Variants in TBCK observed in about 807,000 individuals in gnomAD.
TBCK encodes TBC domain-containing protein kinase-like protein.
Under a neutral mutation model 113.4 loss-of-function variants are expected in TBCK, and 99 were observed. The ratio of observed to expected loss-of-function variants is 0.87; its 90% CI spans 0.74 to 1.03. TBCK has a LOEUF of 1.03. Among genes scored for constraint, TBCK ranks in the 50% least tolerant of loss-of-function variants. TBCK has a pLI of 0.00. For synonymous variants in TBCK, 369 were observed against 370.8 expected, an observed-to-expected ratio of 1.00 and a Z score of 0.05; for missense variants, 1,045 against 1,061.3, an observed-to-expected ratio of 0.98 and a Z score of 0.21.
At chr4:106,228,169 T>C (rs140130023) in intron 19 of TBCK, among the ~76,000 whole-genome samples, 1 of 152,142 alleles carries the variant, frequency 6.6e-6, no homozygotes, top group Non-Finnish European at 1.5e-5. Flanking sequence ...AGACATGCAA[T>C]GCATAATCTC....
Position 106,236,475 on chromosome 4 carries a change from G to A in TBCK, c.1265C>T (p.Ala422Val), listed in dbSNP as rs147556914. 4 of 1,578,432 alleles carry A rather than the reference G, an allele frequency of 2.5e-6. No homozygotes were observed. The highest frequency in any genetic ancestry group is 1.7e-5 in the Admixed American group (1 of 57,316). The stretch of plus-strand genomic sequence containing the variant: ...GATGATTAAAGGGAGCGTGGCAGCT[G>A]CAGACAACTCATTATTGCTGTTTGA... ...PHSNSNNELS[A>V]AATLPLIIRE... Residue 422 changes from alanine (A) to valine (V), a missense_variant, in exon 14 of 26, where the codon GCA (alanine) becomes GTA (valine). By Grantham distance (64) the Ala-to-Val change is moderately conservative. Coordinates refer to ENST00000394708, the MANE Select transcript of TBCK (RefSeq NM_001163435.3).
At chr4:106,243,885 C>T (rs1167216657) in intron 11 of TBCK, among the ~76,000 whole-genome samples, 5 of 151,880 alleles carry the variant, frequency 3.3e-5, no homozygotes, top group East Asian at 1.9e-4. Flanking sequence ...CAGGGTTTTG[C>T]CATGTTGCCC....
chr4:106,265,520 TCCAGAGATCCAAAGA>T, intron 3 of TBCK, among the ~76,000 whole-genome samples: 1 of 129,252 alleles, frequency 7.7e-6, no homozygotes, highest in Non-Finnish European at 1.7e-5. Context: ...GAGAGAGAGA[TCCAGAGATCCAAAGA>T]GAGAGAGAGA....
At chr4:106,214,821 T>C (rs1236275114) in intron 19 of TBCK, among the ~76,000 whole-genome samples, 2 of 151,938 alleles carry the variant, frequency 1.3e-5, no homozygotes, top group Non-Finnish European at 2.9e-5. Flanking sequence ...ATTTCCCCAA[T>C]CTAGCAAGGC....
intron 23 of TBCK, among the ~76,000 whole-genome samples, chr4:106,154,599 CT>C (rs1444105319): frequency 6.6e-6 from 1 of 152,032 alleles, no homozygotes; most frequent in Non-Finnish European, 1.5e-5. Flanking sequence ...ATAGTGAGTT[CT>C]TGTGTAAAGT....
chr4:106,060,367 TACTC>T (rs1280442210), intron 25 of TBCK, among the ~76,000 whole-genome samples: 10 of 151,768 alleles, frequency 6.6e-5, no homozygotes, highest in African/African-American at 2.4e-4. Context: ...TTGAAGCTAA[TACTC>T]ACTGACCATT....
chr4:106,292,893 G>A (rs1433878937), intron 3 of TBCK, among the ~76,000 whole-genome samples: 1 of 152,202 alleles, frequency 6.6e-6, no homozygotes, highest in African/African-American at 2.4e-5. Context: ...TAAAGTGGCT[G>A]CATTCAAAGC....
intron 24 of TBCK, among the ~76,000 whole-genome samples, chr4:106,106,714 G>C (rs1742207762): frequency 6.6e-6 from 1 of 152,090 alleles, no homozygotes; most frequent in South Asian, 2.1e-4. Context: ...CGACGTCACT[G>C]TAAAGCAACC....
At chr4:106,165,825 T>C (rs1045519869) in intron 23 of TBCK, among the ~76,000 whole-genome samples, 1 of 151,656 alleles carries the variant, frequency 6.6e-6, no homozygotes, top group South Asian at 2.1e-4. Flanking sequence ...CAAGATTATA[T>C]GAAGAAAAAG....
At chr4:106,230,498 G>T in intron 18 of TBCK, 52 bp from the exon 19 acceptor site, 1 of 1,100,966 alleles carries the variant, frequency 9.1e-7, no homozygotes, top group Non-Finnish European at 1.3e-6. Flanking sequence ...CAGGGTAGAT[G>T]ACCATCAGTA....
At chr4:106,287,431 G>T (rs571749139) in intron 3 of TBCK, among the ~76,000 whole-genome samples, 1 of 152,238 alleles carries the variant, frequency 6.6e-6, no homozygotes, top group South Asian at 2.1e-4. Context: ...GTGGTAGTCA[G>T]CCTCCAGGAT....
At chr4:106,292,588 A>G (rs992596935) in intron 3 of TBCK, among the ~76,000 whole-genome samples, 11 of 150,224 alleles carry the variant, frequency 7.3e-5, no homozygotes, top group African/African-American at 2.7e-4. Context: ...AAAAAAAAGT[A>G]CATGCCCTTA....
At chr4:106,284,217 A>G (rs946288148) in intron 3 of TBCK, among the ~76,000 whole-genome samples, 1 of 152,132 alleles carries the variant, frequency 6.6e-6, no homozygotes, top group African/African-American at 2.4e-5. Context: ...AAAGTAAAAA[A>G]GATATGAAAG....
chr4:106,249,016 A>G (rs1473002850), intron 7 of TBCK, 34 bp from the exon 8 acceptor site: 8 of 1,487,018 alleles, frequency 5.4e-6, no homozygotes, highest in South Asian at 1.2e-5. Flanking sequence ...AATAAATGCT[A>G]TTTTTCTAAT....
intron 22 of TBCK, among the ~76,000 whole-genome samples, chr4:106,181,051 T>G (rs1313103435): frequency 6.6e-6 from 1 of 152,216 alleles, no homozygotes; most frequent in Non-Finnish European, 1.5e-5. Context: ...GACTTTTTAA[T>G]GATCACCATT....
intron 23 of TBCK, among the ~76,000 whole-genome samples, chr4:106,169,279 G>T (rs1450270665): frequency 6.6e-6 from 1 of 151,880 alleles, no homozygotes; most frequent in Non-Finnish European, 1.5e-5. Flanking sequence ...ACAGTTGGAG[G>T]ACTGACACTT....
At chr4:106,255,539 T>A (rs557517836) in intron 5 of TBCK, among the ~76,000 whole-genome samples, 2 of 152,254 alleles carry the variant, frequency 1.3e-5, no homozygotes, top group South Asian at 4.1e-4. Context: ...GCAGCTTCCA[T>A]GGCTGGCACC....
At chr4:106,248,379 T>G in intron 8 of TBCK, 73 bp from the exon 9 acceptor site, 1 of 1,131,208 alleles carries the variant, frequency 8.8e-7, no homozygotes, top group South Asian at 1.7e-5. Flanking sequence ...AAATGTTTGC[T>G]AATCTAGAAG....
chr4:106,113,916 C>T (rs911875216), intron 24 of TBCK, among the ~76,000 whole-genome samples: 6 of 152,164 alleles, frequency 3.9e-5, no homozygotes, highest in African/African-American at 9.7e-5. Flanking sequence ...TCTAACAACA[C>T]GACTGCTTGG....
Sources: allele counts gnomAD v4.1 joint callset (sites outside exome capture counted in the v4.1 genomes callset), GRCh38; gene constraint gnomAD v4.1.1; transcripts MANE v1.5; gene names NCBI Gene and HGNC (gene_info 2026-07-23, HGNC 2026-07-21).